ZXDC: variants seen among roughly 807,000 people sequenced by gnomAD.
ZXDC encodes zinc finger protein ZXDC.
ZXDC carries 58 observed loss-of-function variants against 63.6 expected under a neutral mutation model. The observed-to-expected ratio is 0.91, with a 90% CI of 0.74 to 1.13. The LOEUF (loss-of-function observed/expected upper bound fraction) is 1.13, where lower values mean the gene tolerates loss of function less well. Among genes scored for constraint, ZXDC ranks in the 50% most tolerant of loss-of-function variants. The probability of loss-of-function intolerance (pLI) is 0.00; values close to 1 mark genes in which losing one functional copy is unlikely to be tolerated. For synonymous variants in ZXDC, 561 were observed against 496.1 expected, an observed-to-expected ratio of 1.13 and a Z score of -1.74; for missense variants, 1,133 against 1,148.9, an observed-to-expected ratio of 0.99 and a Z score of 0.20.
chr3:126,441,800 A>G lies in ZXDC; in HGVS notation c.2359T>C (p.Cys787Arg), dbSNP rs112434825. The G allele has an allele frequency of 1.2e-6, 2 of 1,611,938 alleles. No homozygotes were observed. The highest frequency in any genetic ancestry group is 8.5e-7 in the Non-Finnish European group (1 of 1,179,424). ...PGPAPAAGVQ[C>R]GAQGVQVQLV... The stretch of plus-strand genomic sequence containing the variant: ...TGGACCTGGACGCCCTGCGCCCCGC[A>G]CTGCACCCCAGCTGCTGGAGCTGGT... Residue 787 changes from cysteine to arginine, a missense_variant, in exon 8 of 10, where the codon TGC becomes CGC. Transcript: ENST00000389709.
intron 7 of ZXDC, chr3:126,455,014 A>G: frequency 1.0e-6 from 1 of 985,438 alleles, no homozygotes; most frequent in Non-Finnish European, 1.2e-6. Flanking sequence ...AACCACATGC[A>G]CAACAGCGAA....
At chr3:126,456,672 A>G (rs1934318304) in intron 7 of ZXDC, among the ~76,000 whole-genome samples, 1 of 152,202 alleles carries the variant, frequency 6.6e-6, no homozygotes, top group Admixed American at 6.5e-5. Flanking sequence ...AACAGCTATC[A>G]GTGAGCTCCA....
At chr3:126,451,977 C>T (rs1480397857) in intron 7 of ZXDC, 12 of 985,290 alleles carry the variant, frequency 1.2e-5, no homozygotes, top group Non-Finnish European at 1.4e-5. Context: ...CTCTTCATGC[C>T]TTAGAAAAAC....
In ZXDC at chr3:126,475,435, A is replaced by G; in HGVS notation, c.431T>C (p.Val144Ala). ...GCCGGGCGGCGCAGACAGCGCGAGG[A>G]CGCCGCGGTCGAGACGCACCAGCAG... ...QDLLVRLDRGVLALSAPPGPA... is the reference protein window; with the variant it reads ...QDLLVRLDRGALALSAPPGPA... Residue 144 changes from valine to alanine, a missense_variant, in exon 1 of 10, where the codon GTC (valine) becomes GCC (alanine). Transcript: ENST00000389709. 1.7e-6 allele frequency: 2 copies of G among 1,187,090 alleles called. No individual in the cohort carries two copies. The highest frequency in any genetic ancestry group is 8.1e-5 in the South Asian group (2 of 24,656). 73.5% of individuals were successfully genotyped at this position (1,187,090 alleles called of 1,614,324 possible).
chr3:126,456,375 A>G (rs1186537847), intron 7 of ZXDC, among the ~76,000 whole-genome samples: 1 of 152,214 alleles, frequency 6.6e-6, no homozygotes, highest in Non-Finnish European at 1.5e-5. Context: ...TCGGGCACAC[A>G]GCGCCAGCTC....
At chr3:126,452,001 T>A (rs1934123167) in intron 7 of ZXDC, 1 of 985,262 alleles carries the variant, frequency 1.0e-6, no homozygotes, top group Non-Finnish European at 1.2e-6. Flanking sequence ...TAACCTCTCA[T>A]CTTCATTCTT....
At position 126,475,004 on chromosome 3, in the gene ZXDC, G is replaced by A. The variant is rs989453857; in HGVS notation, c.862C>T (p.Arg288Cys). The change falls in exon 1 of 10, where the codon CGC (arginine) becomes TGC (cysteine). Residue 288 changes from arginine to cysteine, a missense_variant. Coordinates refer to ENST00000389709, the MANE Select transcript of ZXDC (RefSeq NM_025112.5). ...PTHAKLSSHQ[R>C]SHFEPERPYK... ...GGGCGCTCGGGCTCGAAGTGGCTGC[G>A]CTGGTGGGAGCTGAGCTTGGCGTGC... 4 of 1,595,096 alleles carry A rather than the reference G, an allele frequency of 2.5e-6. No individual in the cohort carries two copies. The highest frequency in any genetic ancestry group is 3.4e-6 in the Non-Finnish European group (4 of 1,171,706).
chr3:126,457,151 G>T, intron 7 of ZXDC: 1 of 532,524 alleles, frequency 1.9e-6, no homozygotes, highest in Non-Finnish European at 2.4e-6. Flanking sequence ...GGGCACTGGG[G>T]GAGTCTGGTC....
intron 1 of ZXDC, among the ~76,000 whole-genome samples, chr3:126,473,145 C>G (rs1018722704): frequency 1.3e-5 from 2 of 152,194 alleles, no homozygotes; most frequent in African/African-American, 4.8e-5. Context: ...AAATGCTGAT[C>G]TTTGGCCTCA....
At chr3:126,458,861 T>C in intron 7 of ZXDC, 2 of 985,414 alleles carry the variant, frequency 2.0e-6, no homozygotes, top group Non-Finnish European at 2.4e-6. Context: ...TTCACACTGA[T>C]GCATACACTA....
intron 7 of ZXDC, chr3:126,457,655 C>T (rs1328847688): frequency 2.0e-6 from 2 of 985,290 alleles, no homozygotes; most frequent in Non-Finnish European, 2.4e-6. Flanking sequence ...TCATGAACTG[C>T]ACCTCAGGGT....
intron 7 of ZXDC, 186 bp downstream of exon 7, chr3:126,459,467 G>C: frequency 1.0e-6 from 1 of 985,446 alleles, no homozygotes; most frequent in Non-Finnish European, 1.2e-6. Flanking sequence ...TCATACTGAT[G>C]CTGGGAATTT....
chr3:126,475,774 A>G lies in ZXDC; in HGVS notation c.92T>C (p.Leu31Pro), dbSNP rs1576700503. Residue 31 changes from leucine (L) to proline (P), a missense_variant, in exon 1 of 10, where the codon CTC (leucine) becomes CCC (proline). Physicochemically the swap from Leu to Pro is moderately conservative, Grantham distance 98. Transcript: ENST00000389709. ...PGPLRRAPAP[L>P]GASPARRRLL... is the part of the protein sequence containing the mutation. ...GCGGCGGCGCGCGGGGCTCGCGCCG[A>G]GCGGCGCTGGGGCTCGGCGGAGCGG... The G allele has an allele frequency of 8.8e-7, 1 of 1,134,552 alleles. No homozygotes were observed. Among genetic ancestry groups the G allele is most frequent in the Non-Finnish European group, 1.1e-6 (1 of 928,502 alleles). The allele number at this position is 1,134,552 out of a possible 1,614,324, so 70.3% of individuals were successfully genotyped here.
In ZXDC at chr3:126,437,614, C is replaced by A. The variant is rs1261852024; in HGVS notation, c.*761G>T. The A allele has an allele frequency of 1.3e-5, 2 of 152,222 alleles. No individual in the cohort carries two copies. The highest frequency in any genetic ancestry group is 4.8e-5 in the African/African-American group (2 of 41,430). 9.4% of individuals were successfully genotyped at this position (152,222 alleles called of 1,614,324 possible). The stretch of plus-strand genomic sequence containing the variant: ...ATACACGCGCCATCACAGTCCTACA[C>A]ATAATTTATGGTATTCAGAACATCA... On this transcript the variant is annotated 3_prime_UTR_variant, in exon 10 of 10. Transcript: ENST00000389709.
chr3:126,440,023 C>T (rs1025462528), intron 8 of ZXDC: 8 of 1,255,354 alleles, frequency 6.4e-6, no homozygotes, highest in Non-Finnish European at 8.0e-6. Context: ...TCCTAAGGCA[C>T]GCTCCTCAAC....
Position 126,461,516 on chromosome 3 carries a change from T to C in ZXDC, c.2127+19A>G. On this transcript the variant is annotated intron_variant, in intron 6 of 9. Transcript: ENST00000389709. ...GAGAAGTGACCTATATGGTGGTGAC[T>C]GAATAGAGTGCTTCATACCAAATAG... The C allele has an allele frequency of 6.3e-7, 1 of 1,591,942 alleles. No individual in the cohort carries two copies. Among genetic ancestry groups the C allele is most frequent in the Non-Finnish European group, 8.6e-7 (1 of 1,166,218 alleles).
intron 8 of ZXDC, chr3:126,440,628 C>T: frequency 1.0e-6 from 1 of 986,456 alleles, no homozygotes; most frequent in African/African-American, 1.7e-5. Context: ...GGATGGTCCT[C>T]CCCCTCCCCC....
Position 126,475,374 on chromosome 3 carries a change from C to T in ZXDC, c.492G>A (p.Ala164=), listed in dbSNP as rs1294976642. ...GCGTGCTGGGGCCGGAGGCCTGGGG[C>T]GCGCGGCGGGGAGCGGCGGCGCCCG... The part of the protein sequence containing the change: ...ATAGAAAPRR[A]PQASGPSTPG... The change falls in exon 1 of 10, where the codon GCG becomes GCA. Residue 164 remains alanine, a synonymous_variant. Transcript: ENST00000389709. 5.6e-6 allele frequency: 7 copies of T among 1,259,120 alleles called. No homozygotes were observed. The highest frequency in any genetic ancestry group is 3.1e-5 in the African/African-American group (2 of 63,968). 78.0% of individuals were successfully genotyped at this position (1,259,120 alleles called of 1,614,324 possible).
chr3:126,465,729 C>A (rs1934730702), intron 5 of ZXDC, among the ~76,000 whole-genome samples: 1 of 152,082 alleles, frequency 6.6e-6, no homozygotes, highest in African/African-American at 2.4e-5. Flanking sequence ...GGTGGGCAGA[C>A]TGCTTAAGGC....
Sources: gnomAD v4.1 joint callset for allele counts (sites outside exome capture counted in the v4.1 genomes callset) on GRCh38, gnomAD v4.1.1 for gene constraint, MANE v1.5 for transcripts, NCBI Gene and HGNC (gene_info 2026-07-23, HGNC 2026-07-21) for gene names.